Variants in CDKN2B-AS1 observed in about 807,000 individuals in gnomAD.
CDKN2B-AS1 encodes the protein CDKN2B antisense RNA 1 (non-protein coding).
intron 4 of CDKN2B-AS1, among the ~76,000 whole-genome samples, chr9:22,104,242 A>G (rs754355569): frequency 6.6e-6 from 1 of 152,180 alleles, no homozygotes; most frequent in East Asian, 1.9e-4. Context: ...CATTGTAAAG[A>G]TTAACTGGAT....
chr9:22,065,312 G>A (rs945414821), intron 4 of CDKN2B-AS1, among the ~76,000 whole-genome samples: 1 of 152,194 alleles, frequency 6.6e-6, no homozygotes, highest in Admixed American at 6.5e-5. Context: ...GTGAGATGGA[G>A]TGGACTGACA....
chr9:22,034,359 T>A (rs1379399253), intron 1 of CDKN2B-AS1, among the ~76,000 whole-genome samples: 1 of 152,196 alleles, frequency 6.6e-6, no homozygotes, highest in African/African-American at 2.4e-5. Context: ...GCTATAGCAC[T>A]ACTTTTTCAT....
chr9:22,006,338 A>G lies in CDKN2B-AS1; in HGVS notation n.29+11177A>G. Reference sequence around the variant, plus strand: ...AAGGCAGGTGGAGCCATTTAAAGAAACACCTAATTGCAAAGTTTTCACCCA... The same window carrying G: ...AAGGCAGGTGGAGCCATTTAAAGAAGCACCTAATTGCAAAGTTTTCACCCA... On this transcript the variant is annotated intron_variant and non_coding_transcript_variant, in intron 1 of 4. Transcript: ENST00000650946. This position sits in a 1 kb window ranked among gnomAD's most constrained non-coding sequence, Gnocchi z 6.4. 1.9e-6 allele frequency: 3 copies of G among 1,548,836 alleles called. No homozygotes were observed. The highest frequency in any genetic ancestry group is 2.6e-6 in the Non-Finnish European group (3 of 1,145,856).
intron 1 of CDKN2B-AS1, among the ~76,000 whole-genome samples, chr9:22,026,508 C>G (rs902005632): frequency 3.3e-5 from 5 of 152,252 alleles, no homozygotes; most frequent in African/African-American, 4.8e-5. Flanking sequence ...CCTGCCCCTC[C>G]TCCTGGGAGC....
intron 4 of CDKN2B-AS1, among the ~76,000 whole-genome samples, chr9:22,117,407 G>A (rs186107621): frequency 2.0e-5 from 3 of 152,082 alleles, no homozygotes; most frequent in Admixed American, 1.3e-4. Context: ...TGAAGGGTTG[G>A]GGGGGAATCT....
intron 4 of CDKN2B-AS1, among the ~76,000 whole-genome samples, chr9:22,076,764 C>T (rs754541583): frequency 2.1e-4 from 32 of 152,308 alleles, no homozygotes; most frequent in Non-Finnish European, 3.8e-4. Context: ...GCAATCTTGG[C>T]TCACTGCAAC....
At chr9:22,021,058 G>T (rs994353465) in intron 1 of CDKN2B-AS1, among the ~76,000 whole-genome samples, 1 of 152,162 alleles carries the variant, frequency 6.6e-6, no homozygotes, top group African/African-American at 2.4e-5. Context: ...TGTATATGGT[G>T]TAAGGAAGGG....
intron 4 of CDKN2B-AS1, among the ~76,000 whole-genome samples, chr9:22,067,766 A>G (rs1027363939): frequency 3.3e-5 from 5 of 152,224 alleles, no homozygotes; most frequent in African/African-American, 7.2e-5. Flanking sequence ...AAGTGTTTTC[A>G]TAAATCTTAA....
intron 4 of CDKN2B-AS1, among the ~76,000 whole-genome samples, chr9:22,090,080 T>G (rs1825020345): frequency 1.3e-5 from 2 of 151,238 alleles, no homozygotes; most frequent in South Asian, 4.2e-4. Flanking sequence ...ATGCAGTGTT[T>G]GGTTTTTTGT....
At chr9:22,042,307 TATA>T (rs1269400496) in intron 1 of CDKN2B-AS1, among the ~76,000 whole-genome samples, 2 of 152,060 alleles carry the variant, frequency 1.3e-5, no homozygotes, top group Admixed American at 1.3e-4. Flanking sequence ...ACACTAGAAA[TATA>T]ATAGTGAACT....
Position 22,005,565 on chromosome 9 carries a change from G to A in CDKN2B-AS1, n.29+10404G>A, listed in dbSNP as rs1821132084. On this transcript the variant is annotated intron_variant and non_coding_transcript_variant, in intron 1 of 4. Coordinates refer to ENST00000650946, the Ensembl canonical transcript of CDKN2B-AS1. This position sits in a 1 kb window ranked among gnomAD's most constrained non-coding sequence, Gnocchi z 4.9. ...CTCCTCAGCAGACATTGGAGTGAAC[G>A]CATCGACTGCCGTCACCCAAGTGCT... is the stretch of plus-strand genomic sequence containing the variant. The A allele has an allele frequency of 2.6e-5, 10 of 391,744 alleles. No individual in the cohort carries two copies. The South Asian group carries it at 3.0e-4, about 12-fold the overall frequency. 24.3% of individuals were successfully genotyped at this position (391,744 alleles called of 1,614,324 possible). A position where few individuals can be genotyped will look rare whatever the true frequency, so the allele number is the denominator to read the frequency against.
rs983881519 is a variant in CDKN2B-AS1 at position 22,039,758 on chromosome 9, A to G, written n.30-6993A>G. 6.6e-6 allele frequency among the ~76,000 whole-genome samples: 1 copy of G among 151,828 alleles called. No individual in the cohort carries two copies. The highest frequency in any genetic ancestry group is 1.5e-5 in the Non-Finnish European group (1 of 67,904). ...TTTGCCAAATCTTCAGGCCCTCAAA[A>G]TTTTTTCATTCCATTTGTTATGGGC... On this transcript the variant is annotated intron_variant and non_coding_transcript_variant, in intron 1 of 4. Transcript: ENST00000650946. This position sits in a 1 kb window ranked among gnomAD's most constrained non-coding sequence, Gnocchi z 4.4.
At chr9:22,098,285 T>C (rs76108964) in intron 4 of CDKN2B-AS1, among the ~76,000 whole-genome samples, 1 of 151,554 alleles carries the variant, frequency 6.6e-6, no homozygotes, top group South Asian at 2.1e-4. Flanking sequence ...ATATATCACA[T>C]GTATTTATAT....
intron 1 of CDKN2B-AS1, chr9:22,029,693 G>T: frequency 2.2e-6 from 1 of 446,498 alleles, no homozygotes; most frequent in Non-Finnish European, 4.0e-6. Flanking sequence ...TACATTATTA[G>T]AAAATATTTT....
At chr9:22,014,131 T>C (rs1221375747) in intron 1 of CDKN2B-AS1, among the ~76,000 whole-genome samples, 1 of 152,134 alleles carries the variant, frequency 6.6e-6, no homozygotes, top group Non-Finnish European at 1.5e-5. Context: ...ATTCCTTCAT[T>C]TACTAGCTGG....
At chr9:22,125,434 A>G (rs1045635136) in intron 4 of CDKN2B-AS1, among the ~76,000 whole-genome samples, 5 of 152,244 alleles carry the variant, frequency 3.3e-5, no homozygotes, top group East Asian at 3.8e-4. Flanking sequence ...TTCTTAGGCT[A>G]TCATTTCATT....
At chr9:22,096,152 G>A (rs1436488627) in intron 4 of CDKN2B-AS1, among the ~76,000 whole-genome samples, 1 of 152,182 alleles carries the variant, frequency 6.6e-6, no homozygotes, top group African/African-American at 2.4e-5. Flanking sequence ...CAGTGCATCT[G>A]GGAAAGCTAT....
intron 4 of CDKN2B-AS1, among the ~76,000 whole-genome samples, chr9:22,112,682 A>T (rs1415373854): frequency 6.6e-6 from 1 of 152,204 alleles, no homozygotes; most frequent in Non-Finnish European, 1.5e-5. Context: ...TTAGTATATT[A>T]TAAAGAGAGT....
chr9:22,109,684 G>C (rs903957537), intron 4 of CDKN2B-AS1, among the ~76,000 whole-genome samples: 6 of 152,290 alleles, frequency 3.9e-5, no homozygotes, highest in Admixed American at 3.9e-4. Flanking sequence ...GATGTCATCT[G>C]CCATTTAGTA....
Sources: allele counts gnomAD v4.1 joint callset (sites outside exome capture counted in the v4.1 genomes callset), GRCh38; gene constraint gnomAD v4.1.1; non-coding constraint Gnocchi (gnomAD v3.1); transcripts MANE v1.5; gene names NCBI Gene and HGNC (gene_info 2026-07-23, HGNC 2026-07-21).